UGT2B10: variants seen among roughly 807,000 people sequenced by gnomAD.
UGT2B10 encodes UDP-glucuronosyltransferase 2B10.
In UGT2B10, 51 loss-of-function variants were observed where a neutral mutation model predicts 43.7. That is an observed-to-expected ratio of 1.17 (90% CI 0.93 to 1.47). UGT2B10 has a LOEUF of 1.47. Among genes scored for constraint, UGT2B10 ranks in the 40% most tolerant of loss-of-function variants. The probability of loss-of-function intolerance (pLI) is 0.00; values close to 1 mark genes in which losing one functional copy is unlikely to be tolerated. For synonymous variants in UGT2B10, 225 were observed against 209.0 expected (o/e 1.08, Z -0.66); for missense variants, 696 against 617.7 (o/e 1.13, Z -1.34).
At chr4:68,819,721 A>G (rs1488213114) in intron 2 of UGT2B10, among the ~76,000 whole-genome samples, 1 of 152,026 alleles carries the variant, frequency 6.6e-6, no homozygotes, top group Non-Finnish European at 1.5e-5. Context: ...TGTATAATAA[A>G]GACCAAATAA....
At position 68,831,899 on chromosome 4, in the gene UGT2B10, G is replaced by T. The variant is rs1738115961; in HGVS notation, c.*1020G>T. 6.6e-6 allele frequency among the ~76,000 whole-genome samples: 1 copy of T among 152,008 alleles called. No individual in the cohort carries two copies. ...AAGGATTATTCATTAAGTTTTACTT[G>T]TTTATCTGACATTTATTATTTTGTC... On this transcript the variant is annotated 3_prime_UTR_variant, in exon 6 of 6. Transcript: ENST00000265403.
intron 5 of UGT2B10, 143 bp downstream of exon 5, chr4:68,827,691 T>A: frequency 1.5e-6 from 2 of 1,372,364 alleles, no homozygotes; most frequent in Non-Finnish European, 1.9e-6. Context: ...TGCTTTTACT[T>A]TTTATCTGTT....
At chr4:68,818,318 A>G in intron 2 of UGT2B10, 141 bp downstream of exon 2, 1 of 1,444,066 alleles carries the variant, frequency 6.9e-7, no homozygotes, top group Non-Finnish European at 9.3e-7. Context: ...TTAGAAACTC[A>G]TGTACATGTT....
At chr4:68,828,640 C>T (rs918456100) in intron 5 of UGT2B10, among the ~76,000 whole-genome samples, 8 of 151,784 alleles carry the variant, frequency 5.3e-5, no homozygotes, top group African/African-American at 1.7e-4. Context: ...TGAGTAAGGA[C>T]ATAAAACGTT....
Position 68,831,826 on chromosome 4 carries a change from C to T in UGT2B10, c.*947C>T, listed in dbSNP as rs926297817. 6.6e-6 allele frequency among the ~76,000 whole-genome samples: 1 copy of T among 152,018 alleles called. No homozygotes were observed. Among genetic ancestry groups the T allele is most frequent in the African/African-American group, 2.4e-5 (1 of 41,416 alleles). On this transcript the variant is annotated 3_prime_UTR_variant, in exon 6 of 6. Transcript: ENST00000265403. Reference sequence around the variant, plus strand: ...GTCCTAACTCTTGCAACCTGCATGTCCTCTTTATTATTGATCAATCCAACT... The same window carrying T: ...GTCCTAACTCTTGCAACCTGCATGTTCTCTTTATTATTGATCAATCCAACT...
At position 68,831,884 on chromosome 4, in the gene UGT2B10, C is replaced by T. The variant is rs1250550373; in HGVS notation, c.*1005C>T. Among the ~76,000 whole-genome samples, 1 of 152,056 alleles carries T rather than the reference C, an allele frequency of 6.6e-6. No homozygotes were observed. The highest frequency in any genetic ancestry group is 1.5e-5 in the Non-Finnish European group (1 of 67,988). On this transcript the variant is annotated 3_prime_UTR_variant, in exon 6 of 6. Transcript: ENST00000265403. ...TCACCTTACCTGACTAAGGATTATT[C>T]ATTAAGTTTTACTTGTTTATCTGAC...
rs1049119291 is a variant in UGT2B10 at position 68,831,001 on chromosome 4, C to T, written c.*122C>T. 4 of 1,360,250 alleles carry T rather than the reference C, an allele frequency of 2.9e-6. No individual in the cohort carries two copies. In the African/African-American group the frequency reaches 5.9e-5, roughly 20 times the overall value. 84.3% of individuals were successfully genotyped at this position (1,360,250 alleles called of 1,614,324 possible). Reference sequence around the variant, plus strand: ...TGACAAAAAAAAATCCTTTCGAAGTCTACCTTGTCAAGTAAAAATTTGTTT... The same window carrying T: ...TGACAAAAAAAAATCCTTTCGAAGTTTACCTTGTCAAGTAAAAATTTGTTT... On this transcript the variant is annotated 3_prime_UTR_variant, in exon 6 of 6. Transcript: ENST00000265403.
At chr4:68,830,001 C>A (rs1305334551) in intron 5 of UGT2B10, among the ~76,000 whole-genome samples, 2 of 151,958 alleles carry the variant, frequency 1.3e-5, no homozygotes, top group Non-Finnish European at 2.9e-5. Context: ...AATCTAGAAG[C>A]CAAGTGACTA....
At chr4:68,827,241 C>A in intron 4 of UGT2B10, 88 bp from the exon 5 acceptor site, 1 of 1,595,880 alleles carries the variant, frequency 6.3e-7, no homozygotes, top group Non-Finnish European at 8.6e-7. Flanking sequence ...AGTGTGTTAT[C>A]TAGAAAACAC....
At position 68,816,107 on chromosome 4, in the gene UGT2B10, G is replaced by T. The variant is rs145133187; in HGVS notation, c.88G>T (p.Ala30Ser). 3.1e-6 allele frequency: 5 copies of T among 1,613,082 alleles called. No individual in the cohort carries two copies. Among genetic ancestry groups the T allele is most frequent in the African/African-American group, 1.3e-5 (1 of 74,810 alleles). The stretch of plus-strand genomic sequence containing the variant: ...TTGTGGAAAGGTGCTGGTATGGGCC[G>T]CAGAATACAGCCTTTGGATGAATAT... ...GSCGKVLVWA[A>S]EYSLWMNMKT... The change falls in exon 1 of 6, where the codon GCA becomes TCA. Residue 30 changes from alanine (A) to serine (S), a missense_variant. Ala to Ser is a moderately conservative substitution (Grantham distance 99). Transcript: ENST00000265403.
At chr4:68,821,556 T>C (rs555817256) in intron 2 of UGT2B10, among the ~76,000 whole-genome samples, 1 of 152,290 alleles carries the variant, frequency 6.6e-6, no homozygotes, top group Non-Finnish European at 1.5e-5. Flanking sequence ...AACTATAAAC[T>C]GTACAATTCT....
rs527339348 is a variant in UGT2B10, at chr4:68,830,470, C to T, written c.1308-130C>T. The T allele has an allele frequency of 2.6e-5, 30 of 1,169,726 alleles. No homozygotes were observed. In the South Asian group the frequency reaches 8.0e-4, roughly 31 times the overall value. 72.5% of individuals were successfully genotyped at this position (1,169,726 alleles called of 1,614,324 possible). On this transcript the variant is annotated intron_variant, in intron 5 of 5. Coordinates refer to ENST00000265403, the MANE Select transcript of UGT2B10 (RefSeq NM_001075.6). ...TTGTATGATGACTCAAATTAAAATA[C>T]ATAAATTCTATATCAATTCTTTGAC... is the stretch of plus-strand genomic sequence containing the variant.
chr4:68,817,912 T>C (rs2109683858), intron 1 of UGT2B10, 117 bp from the exon 2 acceptor site: 1 of 1,232,166 alleles, frequency 8.1e-7, no homozygotes, highest in African/African-American at 1.6e-5. Context: ...GTACATATTT[T>C]TCAAAGCACA....
In UGT2B10 at chr4:68,816,282, T is replaced by G; in HGVS notation, c.263T>G (p.Ile88Ser). Reference protein sequence around the residue: ...TSLTKTEFENIIMQLVKRLSE... With the variant: ...TSLTKTEFENSIMQLVKRLSE... ...TTAACTAAAACTGAATTTGAGAATATCATCATGCAATTGGTTAAGAGATTG... is the reference window on the plus strand; with the variant it reads ...TTAACTAAAACTGAATTTGAGAATAGCATCATGCAATTGGTTAAGAGATTG... Residue 88 changes from isoleucine (I) to serine (S), a missense_variant, in exon 1 of 6, where the codon ATC becomes AGC. Coordinates refer to ENST00000265403, the MANE Select transcript of UGT2B10 (RefSeq NM_001075.6). 6.2e-7 allele frequency: 1 copy of G among 1,613,170 alleles called. No individual in the cohort carries two copies. Among genetic ancestry groups the G allele is most frequent in the Non-Finnish European group, 8.5e-7 (1 of 1,179,450 alleles).
intron 3 of UGT2B10, 66 bp downstream of exon 3, chr4:68,822,468 A>C: frequency 6.2e-7 from 1 of 1,605,120 alleles, no homozygotes. Context: ...TGTGATCTAC[A>C]TAGAAAGAAT....
chr4:68,818,045 A>C lies in UGT2B10; in HGVS notation c.735A>C (p.Leu245Phe). Reference sequence around the variant, plus strand: ...TCCTATCAGGAAGACCCACTACATTATCTGAGACAATGAGGAAAGCTGACA... The same window carrying C: ...TCCTATCAGGAAGACCCACTACATTCTCTGAGACAATGAGGAAAGCTGACA... Reference protein sequence around the residue: ...YSEVLGRPTTLSETMRKADIW... With the variant: ...YSEVLGRPTTFSETMRKADIW... The change falls in exon 2 of 6, where the codon TTA becomes TTC. Residue 245 changes from leucine (L) to phenylalanine (F), a missense_variant. Transcript: ENST00000265403. 6.2e-7 allele frequency: 1 copy of C among 1,610,754 alleles called. No individual in the cohort carries two copies. The highest frequency in any genetic ancestry group is 1.1e-5 in the South Asian group (1 of 90,500).
intron 1 of UGT2B10, 64 bp downstream of exon 1, chr4:68,816,801 G>C: frequency 7.4e-7 from 1 of 1,348,580 alleles, no homozygotes; most frequent in South Asian, 1.4e-5. Flanking sequence ...AGCACAACTT[G>C]CATAAAGCCA....
intron 1 of UGT2B10, among the ~76,000 whole-genome samples, chr4:68,817,570 C>G (rs1737278321): frequency 6.6e-6 from 1 of 151,672 alleles, no homozygotes; most frequent in South Asian, 2.1e-4. Flanking sequence ...CCACAGTTAA[C>G]TTGAAGAACC....
intron 4 of UGT2B10, among the ~76,000 whole-genome samples, 153 bp from the exon 5 acceptor site, chr4:68,827,176 A>T (rs1159587385): frequency 1.3e-5 from 2 of 152,052 alleles, no homozygotes; most frequent in Admixed American, 1.3e-4. Flanking sequence ...TTACATCTCC[A>T]ACACAAGTAC....
Sources: allele counts gnomAD v4.1 joint callset (sites outside exome capture counted in the v4.1 genomes callset), GRCh38; gene constraint gnomAD v4.1.1; transcripts MANE v1.5; gene names NCBI Gene and HGNC (gene_info 2026-07-23, HGNC 2026-07-21).